The following ITGAL variants were observed in gnomAD, a reference collection of about 807,000 sequenced individuals.
ITGAL encodes integrin alpha-L.
In ITGAL, 68 loss-of-function variants were observed where a neutral mutation model predicts 138.4. The ratio of observed to expected loss-of-function variants is 0.49; its 90% CI spans 0.40 to 0.60. ITGAL has a LOEUF of 0.60. ITGAL is among the 20% of genes least tolerant of loss of function. The probability of loss-of-function intolerance (pLI) is 0.00; values close to 1 mark genes in which losing one functional copy is unlikely to be tolerated. For missense variants in ITGAL, 1,256 were observed against 1,478.6 expected, an observed-to-expected ratio of 0.85 and a Z score of 2.47; for synonymous variants, 561 against 584.3, an observed-to-expected ratio of 0.96 and a Z score of 0.57.
chr16:30,504,835 G>C (rs1230380816), intron 18 of ITGAL: 1 of 155,318 alleles, frequency 6.4e-6, no homozygotes, highest in Non-Finnish European at 1.4e-5. Flanking sequence ...TGCCAACATG[G>C]CGAAAACCCA....
intron 7 of ITGAL, chr16:30,482,995 T>G (rs968814895): frequency 6.6e-6 from 1 of 152,188 alleles, no homozygotes; most frequent in Non-Finnish European, 1.5e-5. Flanking sequence ...CCTGGCTAAT[T>G]GTTTTCATCT....
At chr16:30,479,823 T>C (rs952763654) in intron 6 of ITGAL, among the ~76,000 whole-genome samples, 1 of 152,078 alleles carries the variant, frequency 6.6e-6, no homozygotes, top group Non-Finnish European at 1.5e-5. Context: ...AGCTGATTTT[T>C]GTATTTTTAG....
In ITGAL at chr16:30,507,251, A is replaced by G. The variant is rs35953515; in HGVS notation, c.2508+395A>G. 3.9e-4 allele frequency among the ~76,000 whole-genome samples: 59 copies of G among 152,170 alleles called. No homozygotes were observed. The East Asian group carries it at 5.0e-3, about 13-fold the overall frequency. ...GAGGCGGGCGGATCACGAGGTCAGG[A>G]GATCGAGACCATCCTGGCTAACACG... On this transcript the variant is annotated intron_variant, in intron 21 of 30. Coordinates refer to ENST00000356798, the MANE Select transcript of ITGAL (RefSeq NM_002209.3).
In ITGAL at chr16:30,492,399, C is replaced by T. The variant is rs2040567; in HGVS notation, c.1214-1813C>T. On this transcript the variant is annotated intron_variant, in intron 11 of 30. Transcript: ENST00000356798. ...CTGAGTAGCCGGGACTACAGGTGCC[C>T]GCCACCACGCCCAGCTAATTTTTTG... 2.6e-5 allele frequency among the ~76,000 whole-genome samples: 4 copies of T among 151,830 alleles called. No homozygotes were observed. In the East Asian group the frequency reaches 5.8e-4, roughly 22 times the overall value.
intron 8 of ITGAL, 58 bp downstream of exon 8, chr16:30,484,017 G>A: frequency 6.3e-7 from 1 of 1,596,992 alleles, no homozygotes; most frequent in Non-Finnish European, 8.6e-7. Context: ...TGAACCCCAA[G>A]CCCCTTTCTC....
intron 29 of ITGAL, 155 bp from the exon 30 acceptor site, chr16:30,519,702 A>G: frequency 1.5e-6 from 1 of 667,752 alleles, no homozygotes. Flanking sequence ...CAGCGACTGC[A>G]ATAGGTGACG....
chr16:30,517,205 A>G, intron 26 of ITGAL, 119 bp downstream of exon 26: 1 of 679,970 alleles, frequency 1.5e-6, no homozygotes, highest in Non-Finnish European at 2.6e-6. Context: ...AAATCCCAGC[A>G]CTTTGGGAGG....
chr16:30,510,795 C>A lies in ITGAL; in HGVS notation c.2620-86C>A. On this transcript the variant is annotated intron_variant, in intron 22 of 30. Coordinates refer to ENST00000356798, the MANE Select transcript of ITGAL (RefSeq NM_002209.3). The stretch of plus-strand genomic sequence containing the variant: ...TGCAGTGAGCACTTGATAAGGGGTC[C>A]CTGAGATGATGGTGATTAGATGTGG... 3.7e-6 allele frequency: 4 copies of A among 1,079,362 alleles called. No individual in the cohort carries two copies. In the South Asian group the frequency reaches 5.1e-5, roughly 14 times the overall value. The allele number at this position is 1,079,362 out of a possible 1,614,324, so 66.9% of individuals were successfully genotyped here. A position where few individuals can be genotyped will look rare whatever the true frequency, so the allele number is the denominator to read the frequency against.
chr16:30,491,739 C>T (rs1036033441), intron 11 of ITGAL, among the ~76,000 whole-genome samples: 12 of 151,960 alleles, frequency 7.9e-5, no homozygotes, highest in African/African-American at 2.4e-4. Flanking sequence ...TGAGCAATCC[C>T]CCTTCCTCAG....
intron 11 of ITGAL, among the ~76,000 whole-genome samples, chr16:30,492,723 A>AT (rs1337367647): frequency 1.3e-5 from 2 of 149,504 alleles, no homozygotes; most frequent in African/African-American, 5.0e-5. Flanking sequence ...TGCCCAGCTA[A>AT]TTTTTTGTAT....
At chr16:30,502,506 G>C (rs2050918502) in intron 17 of ITGAL, among the ~76,000 whole-genome samples, 1 of 151,966 alleles carries the variant, frequency 6.6e-6, no homozygotes, top group Non-Finnish European at 1.5e-5. Flanking sequence ...CAGCACTTTG[G>C]GAGACTGAGG....
chr16:30,498,970 T>G, intron 15 of ITGAL, 104 bp from the exon 16 acceptor site: 1 of 979,060 alleles, frequency 1.0e-6, no homozygotes. Flanking sequence ...GAGGTCTGCT[T>G]TAGGGAAGGA....
intron 6 of ITGAL, chr16:30,481,139 T>C: frequency 4.5e-6 from 1 of 223,976 alleles, no homozygotes; most frequent in South Asian, 3.8e-5. Context: ...CCGTCTCTAC[T>C]AAAAACACAC....
chr16:30,499,579 C>T (rs2050854480), intron 17 of ITGAL, 90 bp downstream of exon 17: 1 of 1,276,612 alleles, frequency 7.8e-7, no homozygotes, highest in Non-Finnish European at 1.1e-6. Flanking sequence ...ACGTCACTTC[C>T]ATCCCTCTGT....
chr16:30,478,340 A>AT (rs1379666556), intron 4 of ITGAL, among the ~76,000 whole-genome samples: 1 of 151,456 alleles, frequency 6.6e-6, no homozygotes, highest in East Asian at 1.9e-4. Flanking sequence ...TCAAAAAAAA[A>AT]AAAGAAAGAA....
intron 24 of ITGAL, among the ~76,000 whole-genome samples, chr16:30,511,508 G>A (rs1245159981): frequency 3.3e-5 from 5 of 152,164 alleles, no homozygotes; most frequent in African/African-American, 1.2e-4. Context: ...CTCAGAGAAG[G>A]CCGGCACTTA....
chr16:30,477,020 G>T (rs1199310607), intron 4 of ITGAL, among the ~76,000 whole-genome samples: 3 of 152,176 alleles, frequency 2.0e-5, no homozygotes, highest in Non-Finnish European at 4.4e-5. Context: ...GGACCAAAGG[G>T]TTAAGAGACT....
chr16:30,518,556 T>TG, intron 28 of ITGAL, 68 bp from the exon 29 acceptor site: 1 of 1,059,798 alleles, frequency 9.4e-7, no homozygotes, highest in South Asian at 1.3e-5. Flanking sequence ...TGTGTTGTGG[T>TG]GGGGGCAAAA....
chr16:30,521,258 T>C (rs1369849315), intron 30 of ITGAL, among the ~76,000 whole-genome samples: 1 of 151,444 alleles, frequency 6.6e-6, no homozygotes, highest in Non-Finnish European at 1.5e-5. Context: ...AATACAAAAA[T>C]TAGCCGGGCG....
Sources: allele counts gnomAD v4.1 joint callset (sites outside exome capture counted in the v4.1 genomes callset), GRCh38; gene constraint gnomAD v4.1.1; transcripts MANE v1.5; gene names NCBI Gene and HGNC (gene_info 2026-07-23, HGNC 2026-07-21).